HDAC9: variants seen among roughly 807,000 people sequenced by gnomAD.
HDAC9 encodes the protein histone deacetylase 9.
Under a neutral mutation model 139.4 loss-of-function variants are expected in HDAC9, and 41 were observed. That is an observed-to-expected ratio of 0.29 (90% CI 0.23 to 0.38). HDAC9 has a LOEUF of 0.38. HDAC9 is among the 10% of genes least tolerant of loss of function. The pLI is 1.00. For synonymous variants in HDAC9, 517 were observed against 476.2 expected, an observed-to-expected ratio of 1.09 and a Z score of -1.12; for missense variants, 1,147 against 1,297.0, an observed-to-expected ratio of 0.88 and a Z score of 1.78.
chr7:18,874,157 T>C (rs1336603675), intron 21 of HDAC9, among the ~76,000 whole-genome samples: 1 of 151,926 alleles, frequency 6.6e-6, no homozygotes, highest in Non-Finnish European at 1.5e-5. Flanking sequence ...GAAGAAGCAG[T>C]TTTTTATAGG....
chr7:18,745,883 C>CTTTTTTTTTTTT (rs752292349), intron 13 of HDAC9, among the ~76,000 whole-genome samples: 3 of 99,486 alleles, frequency 3.0e-5, no homozygotes, highest in African/African-American at 1.3e-4. Flanking sequence ...TCTTCTTCTT[C>CTTTTTTTTTTTT]TTTTTTTTTT....
At chr7:18,254,341 CTCTAAGACT>C (rs1483669762) in intron 2 of HDAC9, among the ~76,000 whole-genome samples, 4 of 152,216 alleles carry the variant, frequency 2.6e-5, no homozygotes, top group African/African-American at 4.8e-5. Flanking sequence ...CACTTATCTT[CTCTAAGACT>C]TGATTGCCTT....
rs1786784299 is a variant in HDAC9 at position 19,002,210 on chromosome 7, T to C, written c.*6148T>C. ...GGATTAATATCTAATAACAATACCA[T>C]TGTTGAACATGCTCATGGAATGTCC... On this transcript the variant is annotated 3_prime_UTR_variant, in exon 26 of 26. Transcript: ENST00000686413. 1 of 152,158 alleles carries C rather than the reference T, an allele frequency of 6.6e-6. No individual in the cohort carries two copies. The highest frequency in any genetic ancestry group is 1.5e-5 in the Non-Finnish European group (1 of 67,976). The allele number at this position is 152,158 out of a possible 1,614,324, so 9.4% of individuals were successfully genotyped here. A position where few individuals can be genotyped will look rare whatever the true frequency, so the allele number is the denominator to read the frequency against.
intron 17 of HDAC9, among the ~76,000 whole-genome samples, chr7:18,814,452 A>G (rs1201699396): frequency 1.3e-5 from 2 of 152,084 alleles, no homozygotes; most frequent in Admixed American, 6.6e-5. Flanking sequence ...TTTTGTTTCA[A>G]TCTCTGCAAA....
intron 2 of HDAC9, among the ~76,000 whole-genome samples, chr7:18,577,342 G>C (rs1049609666): frequency 3.9e-5 from 6 of 152,090 alleles, no homozygotes; most frequent in African/African-American, 1.4e-4. Context: ...CTGTTCCTGT[G>C]TACATGCTCT....
At chr7:18,590,206 A>G (rs1184724828) in intron 3 of HDAC9, 130 bp from the exon 4 acceptor site, 2 of 955,986 alleles carry the variant, frequency 2.1e-6, no homozygotes, top group Non-Finnish European at 3.1e-6. Context: ...AATGATTTAC[A>G]GAAAAAGTGG....
At chr7:18,704,281 C>G (rs1783719228) in intron 12 of HDAC9, among the ~76,000 whole-genome samples, 1 of 152,238 alleles carries the variant, frequency 6.6e-6, no homozygotes, top group African/African-American at 2.4e-5. Context: ...TTACACACTT[C>G]TTCCTCCATG....
intron 22 of HDAC9, among the ~76,000 whole-genome samples, chr7:18,886,599 G>T (rs189379878): frequency 2.8e-4 from 42 of 152,072 alleles, no homozygotes; most frequent in African/African-American, 9.2e-4. Flanking sequence ...ACAATTGATG[G>T]CATCTTAGAT....
At chr7:18,173,880 T>C (rs1788659674) in intron 2 of HDAC9, among the ~76,000 whole-genome samples, 1 of 152,242 alleles carries the variant, frequency 6.6e-6, no homozygotes, top group Non-Finnish European at 1.5e-5. Context: ...CTTAACAGTT[T>C]TTCCTTCGTT....
chr7:18,444,350 A>C (rs1266634345), intron 1 of HDAC9, among the ~76,000 whole-genome samples: 1 of 150,008 alleles, frequency 6.7e-6, no homozygotes, highest in Non-Finnish European at 1.5e-5. Flanking sequence ...TGAAAAAAAA[A>C]AAAAAAAAAA....
intron 1 of HDAC9, among the ~76,000 whole-genome samples, chr7:18,444,551 CA>C (rs1792116814): frequency 6.6e-6 from 1 of 152,010 alleles, no homozygotes; most frequent in Admixed American, 6.6e-5. Flanking sequence ...TTTCCAAATA[CA>C]TTCATTTTCT....
At chr7:18,868,779 G>A (rs985909393) in intron 21 of HDAC9, among the ~76,000 whole-genome samples, 1 of 152,054 alleles carries the variant, frequency 6.6e-6, no homozygotes, top group Non-Finnish European at 1.5e-5. Context: ...TCCCAAGGCA[G>A]GACTCTACTC....
At chr7:18,950,582 C>T (rs1016078046) in intron 23 of HDAC9, among the ~76,000 whole-genome samples, 4 of 151,974 alleles carry the variant, frequency 2.6e-5, no homozygotes, top group African/African-American at 4.8e-5. Flanking sequence ...ATACAGTCTC[C>T]ATCTTCGTCT....
At chr7:18,147,559 G>T (rs1328896116) in intron 1 of HDAC9, among the ~76,000 whole-genome samples, 1 of 151,654 alleles carries the variant, frequency 6.6e-6, no homozygotes, top group Non-Finnish European at 1.5e-5. Flanking sequence ...TAGCAATTCA[G>T]AAAAATATGA....
chr7:18,900,545 A>C (rs1482589095), intron 22 of HDAC9, among the ~76,000 whole-genome samples: 3 of 152,140 alleles, frequency 2.0e-5, no homozygotes, highest in Non-Finnish European at 4.4e-5. Flanking sequence ...GTCCATGGCC[A>C]AGAAGGCAGT....
intron 16 of HDAC9, among the ~76,000 whole-genome samples, chr7:18,779,992 A>T (rs1791104767): frequency 6.6e-6 from 1 of 152,042 alleles, no homozygotes; most frequent in South Asian, 2.1e-4. Context: ...CGGAATCTGG[A>T]TTCAAATCTT....
rs762717380 is a variant in HDAC9 at position 18,593,995 on chromosome 7, A to G, written c.630A>G (p.Gln210=). The G allele has an allele frequency of 6.2e-6, 10 of 1,612,672 alleles. No homozygotes were observed. The Admixed American group carries it at 1.0e-4, about 16-fold the overall frequency. The change falls in exon 6 of 26, where the codon CAA becomes CAG. Residue 210 remains glutamine (Q), a synonymous_variant. Coordinates refer to ENST00000686413, the MANE Select transcript of HDAC9 (RefSeq NM_178425.4). ...PSYKYTLPGA[Q]DAKDDFPLRK... is the part of the protein sequence containing the mutation. ...ACAAGTACACATTACCAGGAGCACA[A>G]GATGCAAAGGATGATTTCCCCCTTC...
At chr7:18,963,346 G>C (rs1397453110) in intron 24 of HDAC9, among the ~76,000 whole-genome samples, 1 of 152,128 alleles carries the variant, frequency 6.6e-6, no homozygotes, top group Admixed American at 6.6e-5. Context: ...TCAGGAGGAA[G>C]CCAGTAAAAT....
chr7:18,689,469 G>T (rs1782518331), intron 12 of HDAC9, among the ~76,000 whole-genome samples: 2 of 151,956 alleles, frequency 1.3e-5, no homozygotes, highest in African/African-American at 4.8e-5. Flanking sequence ...GAAGAAAAAT[G>T]ATTATAACCA....
Sources: gnomAD v4.1 joint callset for allele counts (sites outside exome capture counted in the v4.1 genomes callset) on GRCh38, gnomAD v4.1.1 for gene constraint, MANE v1.5 for transcripts, NCBI Gene and HGNC (gene_info 2026-07-23, HGNC 2026-07-21) for gene names.